IMMP1L: variants seen among roughly 807,000 people sequenced by gnomAD.
The protein encoded by IMMP1L is inner mitochondrial membrane peptidase subunit 1.
Under a neutral mutation model 21.8 loss-of-function variants are expected in IMMP1L, and 24 were observed. The observed-to-expected ratio is 1.10, with a 90% CI of 0.80 to 1.55. The LOEUF (loss-of-function observed/expected upper bound fraction) is 1.55. IMMP1L is among the 40% of genes most tolerant of loss of function. The pLI is 0.00. For missense variants in IMMP1L, 195 were observed against 200.7 expected (o/e 0.97, Z 0.17); for synonymous variants, 46 against 62.8 (o/e 0.73, Z 1.26).
chr11:31,436,333 A>C (rs1475350610), intron 4 of IMMP1L, among the ~76,000 whole-genome samples: 1 of 152,210 alleles, frequency 6.6e-6, no homozygotes, highest in Non-Finnish European at 1.5e-5. Context: ...ATACTTGTAA[A>C]TAGAAATTCT....
chr11:31,460,392 ATT>A (rs924458819), intron 3 of IMMP1L, among the ~76,000 whole-genome samples: 65 of 152,172 alleles, frequency 4.3e-4, no homozygotes, highest in African/African-American at 1.5e-3. Context: ...ACTGCTAATT[ATT>A]TTTCAAAATG....
chr11:31,509,526 C>T lies in IMMP1L; in HGVS notation c.-37G>A. ...TTACGTGATATTACCTACCTCGGGC[C>T]CCAAAGAACCCTGGAGACCCTCAAC... On this transcript the variant is annotated 5_prime_UTR_variant, in exon 1 of 6. Coordinates refer to ENST00000532287, the MANE Select transcript of IMMP1L (RefSeq NM_001304274.2). The T allele has an allele frequency of 1.8e-6, 1 of 543,974 alleles. No homozygotes were observed. Among genetic ancestry groups the T allele is most frequent in the Non-Finnish European group, 3.3e-6 (1 of 301,950 alleles). The allele number at this position is 543,974 out of a possible 1,614,324, so 33.7% of individuals were successfully genotyped here.
chr11:31,436,900 T>C (rs1953142326), intron 4 of IMMP1L, among the ~76,000 whole-genome samples: 1 of 152,174 alleles, frequency 6.6e-6, no homozygotes, highest in Non-Finnish European at 1.5e-5. Flanking sequence ...ACATGCTAAC[T>C]CCTCATTACC....
intron 1 of IMMP1L, among the ~76,000 whole-genome samples, chr11:31,504,957 A>G (rs760410166): frequency 2.0e-5 from 3 of 152,196 alleles, no homozygotes; most frequent in African/African-American, 4.8e-5. Flanking sequence ...AAAAGGAATT[A>G]CCGGAGGTTG....
At chr11:31,464,090 T>C (rs1036103485) in intron 1 of IMMP1L, among the ~76,000 whole-genome samples, 1 of 152,126 alleles carries the variant, frequency 6.6e-6, no homozygotes, top group Admixed American at 6.6e-5. Context: ...AGGCCTAGGC[T>C]ACAATATACT....
intron 4 of IMMP1L, among the ~76,000 whole-genome samples, chr11:31,447,643 G>C (rs751376479): frequency 7.2e-5 from 11 of 152,208 alleles, no homozygotes; most frequent in Non-Finnish European, 1.5e-4. Flanking sequence ...GCCATGCTAA[G>C]TGATTTATAC....
intron 4 of IMMP1L, among the ~76,000 whole-genome samples, chr11:31,441,376 C>T (rs1365326339): frequency 6.7e-6 from 1 of 150,274 alleles, no homozygotes; most frequent in African/African-American, 2.5e-5. Flanking sequence ...TTAACCTAAC[C>T]TCTAATCCAT....
chr11:31,458,331 T>C (rs1220567056), intron 3 of IMMP1L, among the ~76,000 whole-genome samples: 2 of 152,160 alleles, frequency 1.3e-5, no homozygotes, highest in African/African-American at 4.8e-5. Flanking sequence ...ATTATTCTAC[T>C]ACACAGTAAG....
chr11:31,500,811 T>C (rs1438067563), intron 1 of IMMP1L, among the ~76,000 whole-genome samples: 3 of 152,200 alleles, frequency 2.0e-5, no homozygotes, highest in African/African-American at 7.2e-5. Context: ...TCATGCTCAT[T>C]CATATACATG....
intron 3 of IMMP1L, among the ~76,000 whole-genome samples, chr11:31,456,874 TCC>T (rs1953956974): frequency 2.8e-5 from 1 of 36,054 alleles, no homozygotes; most frequent in African/African-American, 1.3e-4. Flanking sequence ...AGACCATGTC[TCC>T]AAAAAAAAAA....
chr11:31,473,841 A>G (rs879440474), intron 1 of IMMP1L: 10 of 527,122 alleles, frequency 1.9e-5, no homozygotes, highest in African/African-American at 4.2e-5. Context: ...ATATATACAC[A>G]TTATACAAGT....
At chr11:31,495,661 A>G (rs916948645) in intron 1 of IMMP1L, among the ~76,000 whole-genome samples, 1 of 152,242 alleles carries the variant, frequency 6.6e-6, no homozygotes, top group Admixed American at 6.5e-5. Context: ...TGGTACTGGC[A>G]TAATGACAGA....
intron 1 of IMMP1L, among the ~76,000 whole-genome samples, chr11:31,475,492 C>T (rs947194739): frequency 6.6e-6 from 1 of 152,170 alleles, no homozygotes; most frequent in Non-Finnish European, 1.5e-5. Flanking sequence ...ACTACAGCCT[C>T]CCAAGTGTCT....
At chr11:31,453,220 C>G (rs1017664247) in intron 4 of IMMP1L, 2 of 607,402 alleles carry the variant, frequency 3.3e-6, no homozygotes, top group Admixed American at 3.8e-5. Context: ...ATCACTACAT[C>G]ACTTAACCAA....
intron 4 of IMMP1L, among the ~76,000 whole-genome samples, chr11:31,446,266 G>A (rs1394355625): frequency 6.6e-6 from 1 of 151,772 alleles, no homozygotes; most frequent in East Asian, 1.9e-4. Context: ...TCCTATTCTC[G>A]ATGTTATTAT....
intron 1 of IMMP1L, among the ~76,000 whole-genome samples, chr11:31,500,715 A>G (rs930395225): frequency 5.9e-5 from 9 of 151,876 alleles, no homozygotes; most frequent in Admixed American, 1.3e-4. Flanking sequence ...TTTTTTTTCA[A>G]CCTAGAGCAG....
At chr11:31,470,532 A>T (rs1206648872) in intron 1 of IMMP1L, among the ~76,000 whole-genome samples, 1 of 152,200 alleles carries the variant, frequency 6.6e-6, no homozygotes, top group Admixed American at 6.5e-5. Flanking sequence ...TGTTTAAGAC[A>T]ATAACAAAAA....
rs190345818 is a variant in IMMP1L at position 31,473,044 on chromosome 11, G to C, written c.-29-9739C>G. Among the ~76,000 whole-genome samples the C allele has an allele frequency of 3.5e-5, 5 of 144,344 alleles. No individual in the cohort carries two copies. The East Asian group carries it at 1.0e-3, about 29-fold the overall frequency. The allele number at this position is 144,344 out of a possible 152,430, so 94.7% of individuals were successfully genotyped here. A position where few individuals can be genotyped will look rare whatever the true frequency, so the allele number is the denominator to read the frequency against. On this transcript the variant is annotated intron_variant, in intron 1 of 5. Transcript: ENST00000532287. ...CCTCGCACGGCTAATTTTTGTTGTT[G>C]TTGTTGTTGTTGTTTGTTTTTTTGA...
chr11:31,497,284 A>C (rs941092790), intron 1 of IMMP1L, among the ~76,000 whole-genome samples: 1 of 151,958 alleles, frequency 6.6e-6, no homozygotes, highest in African/African-American at 2.4e-5. Context: ...AACTTTGAAA[A>C]ACATTATGCT....
Sources: allele counts gnomAD v4.1 joint callset (sites outside exome capture counted in the v4.1 genomes callset), GRCh38; gene constraint gnomAD v4.1.1; transcripts MANE v1.5; gene names NCBI Gene and HGNC (gene_info 2026-07-23, HGNC 2026-07-21).